NCOR2: variants seen among roughly 807,000 people sequenced by gnomAD.
NCOR2 encodes the protein nuclear receptor corepressor 2, also known as CTG repeat protein 26.
In NCOR2, 81 loss-of-function variants were observed where a neutral mutation model predicts 262.9. That is an observed-to-expected ratio of 0.31 (90% CI 0.26 to 0.37). The LOEUF (loss-of-function observed/expected upper bound fraction) is 0.37, where lower values mean the gene tolerates loss of function less well. Ranked by LOEUF, NCOR2 falls within the 10% of genes least tolerant of loss-of-function variation. The probability of loss-of-function intolerance (pLI) is 1.00; values close to 1 mark genes in which losing one functional copy is unlikely to be tolerated. For missense variants in NCOR2, 3,385 were observed against 3,621.4 expected, an observed-to-expected ratio of 0.93 and a Z score of 1.68; for synonymous variants, 1,659 against 1,559.3, an observed-to-expected ratio of 1.06 and a Z score of -1.51.
intron 16 of NCOR2, 61 bp downstream of exon 18, chr12:124,398,058 G>C: frequency 1.3e-6 from 2 of 1,594,484 alleles, no homozygotes; most frequent in Non-Finnish European, 8.6e-7. Flanking sequence ...TCCCCAGCAC[G>C]TGAGCTTCAG....
chr12:124,448,588 G>A (rs1215034090), intron 7 of NCOR2, among the ~76,000 whole-genome samples: 5 of 152,194 alleles, frequency 3.3e-5, no homozygotes, highest in Non-Finnish European at 7.3e-5. Context: ...TCCTGAACCC[G>A]AGAAGGCCAA....
intron 33 of NCOR2, among the ~76,000 whole-genome samples, chr12:124,342,770 G>A (rs73419849): frequency 0.14 from 21,390 of 152,164 alleles, 2,328 homozygotes; most frequent in East Asian, 0.38. Flanking sequence ...AAGTCCTGCC[G>A]GAAAAGAAAA....
At chr12:124,406,193 C>T (rs1026174956) in intron 13 of NCOR2, among the ~76,000 whole-genome samples, 1 of 152,204 alleles carries the variant, frequency 6.6e-6, no homozygotes, top group Admixed American at 6.5e-5. Context: ...GTGAAAGCGG[C>T]CCTTATATCA....
chr12:124,503,629 T>C lies in NCOR2; in HGVS notation c.-117-8261A>G, dbSNP rs1460996043. Among the ~76,000 whole-genome samples, 8 of 143,500 alleles carry C rather than the reference T, an allele frequency of 5.6e-5. No homozygotes were observed. Among genetic ancestry groups the C allele is most frequent in the African/African-American group, 1.9e-4 (7 of 37,426 alleles). The allele number at this position is 143,500 out of a possible 152,430, so 94.1% of individuals were successfully genotyped here. A position where few individuals can be genotyped will look rare whatever the true frequency, so the allele number is the denominator to read the frequency against. On this transcript the variant is annotated intron_variant, in intron 1 of 46. Coordinates refer to the NCOR2 transcript ENST00000404621. This position sits in a 1 kb window ranked among gnomAD's most constrained non-coding sequence, Gnocchi z 4.3. ...ACGGACGGACGGATGGATGGATGGA[T>C]GGATGGGCGAATGGATGGATGGATG... is the stretch of plus-strand genomic sequence containing the variant.
At chr12:124,456,470 G>A (rs1273611908) in intron 6 of NCOR2, among the ~76,000 whole-genome samples, 6 of 152,188 alleles carry the variant, frequency 3.9e-5, no homozygotes, top group Non-Finnish European at 8.8e-5. Flanking sequence ...TCTTTCCGCA[G>A]CAAAAGGACA....
intron 13 of NCOR2, among the ~76,000 whole-genome samples, chr12:124,405,869 C>G (rs1004737404): frequency 6.6e-6 from 1 of 152,112 alleles, no homozygotes; most frequent in Non-Finnish European, 1.5e-5. Flanking sequence ...GTCCATAGAG[C>G]GGCAGAACTG....
At chr12:124,425,804 A>G (rs1271615054) in intron 11 of NCOR2, among the ~76,000 whole-genome samples, 1 of 151,756 alleles carries the variant, frequency 6.6e-6, no homozygotes, top group Admixed American at 6.6e-5. Context: ...CCCTGCCTCC[A>G]TTGTGTGCAT....
chr12:124,453,351 G>A (rs1013209444), intron 6 of NCOR2, among the ~76,000 whole-genome samples: 7 of 152,202 alleles, frequency 4.6e-5, no homozygotes, highest in East Asian at 1.9e-4. Context: ...TGAGGGAATC[G>A]AGGCCTAGAT....
intron 5 of NCOR2, among the ~76,000 whole-genome samples, chr12:124,464,991 C>T (rs943883112): frequency 6.6e-6 from 1 of 152,184 alleles, no homozygotes; most frequent in Non-Finnish European, 1.5e-5. Context: ...TGCATGACAT[C>T]GCTGTTTCTA....
intron 8 of NCOR2, among the ~76,000 whole-genome samples, chr12:124,433,663 G>T (rs1280675321): frequency 1.3e-5 from 2 of 152,172 alleles, no homozygotes; most frequent in African/African-American, 4.8e-5. Context: ...GCTGTAGCCT[G>T]TGCCTATGTC....
At chr12:124,458,308 G>A (rs968565412) in intron 5 of NCOR2, among the ~76,000 whole-genome samples, 1 of 152,212 alleles carries the variant, frequency 6.6e-6, no homozygotes, top group Admixed American at 6.5e-5. Context: ...AGGCTCCCGG[G>A]CTGCAGCAGA....
At chr12:124,376,961 G>C (rs2040052526) in intron 18 of NCOR2, among the ~76,000 whole-genome samples, 1 of 152,218 alleles carries the variant, frequency 6.6e-6, no homozygotes, top group South Asian at 2.1e-4. Context: ...AGGTCCTCCA[G>C]GGGCCTTCGG....
intron 16 of NCOR2, chr12:124,388,571 G>A (rs2040993527): frequency 7.1e-6 from 8 of 1,121,852 alleles, no homozygotes; most frequent in South Asian, 1.4e-5. Flanking sequence ...TCCACTCCAG[G>A]GGCCCAGAAC....
rs1173101194 is a variant in NCOR2 at position 124,517,780 on chromosome 12, C to T, written c.-118+17785G>A. ...GGCCGGCCAAGAAGCCTCACCCCGG[C>T]CTGCCCGGCCAGCGCCTCCGAGCGC... On this transcript the variant is annotated intron_variant, in intron 1 of 46. Coordinates refer to the NCOR2 transcript ENST00000404621. This position sits in a 1 kb window ranked among gnomAD's most constrained non-coding sequence, Gnocchi z 7.6. 6.6e-6 allele frequency among the ~76,000 whole-genome samples: 1 copy of T among 152,234 alleles called. No individual in the cohort carries two copies. Among genetic ancestry groups the T allele is most frequent in the Non-Finnish European group, 1.5e-5 (1 of 68,042 alleles).
chr12:124,327,734 G>A lies in NCOR2; in HGVS notation c.6959-101C>T, dbSNP rs552142360. 1.9e-4 allele frequency: 139 copies of A among 735,992 alleles called. No individual in the cohort carries two copies. The African/African-American group carries it at 2.1e-3, about 11-fold the overall frequency. The allele number at this position is 735,992 out of a possible 1,614,324, so 45.6% of individuals were successfully genotyped here. A position where few individuals can be genotyped will look rare whatever the true frequency, so the allele number is the denominator to read the frequency against. On this transcript the variant is annotated intron_variant, in intron 44 of 46. Coordinates refer to ENST00000405201, the Ensembl canonical transcript of NCOR2. ...AGAAGGGAGAGAGAGAGGGAAGGAG[G>A]AGGAGGAGGAGGAGGAGAGAGAAAT... is the stretch of plus-strand genomic sequence containing the variant.
chr12:124,529,567 C>T lies in NCOR2; in HGVS notation c.-118+5998G>A, dbSNP rs79423043. 3.1e-3 allele frequency among the ~76,000 whole-genome samples: 470 copies of T among 152,360 alleles called. 2 individuals carry two copies. The highest frequency in any genetic ancestry group is 0.011 in the African/African-American group (448 of 41,592). Reference sequence around the variant, plus strand: ...GTGCAATCCGGCACTGCACTGTGGTCTCAACCACTGCAGCCGGACGAGAAG... The same window carrying T: ...GTGCAATCCGGCACTGCACTGTGGTTTCAACCACTGCAGCCGGACGAGAAG... On this transcript the variant is annotated intron_variant, in intron 1 of 46. Coordinates refer to the NCOR2 transcript ENST00000404621.
At chr12:124,468,977 ATCACCC>A (rs2046690533) in intron 4 of NCOR2, among the ~76,000 whole-genome samples, 1 of 65,836 alleles carries the variant, frequency 1.5e-5, no homozygotes, top group Non-Finnish European at 2.8e-5. Flanking sequence ...CATCACCCCC[ATCACCC>A]TCATCCTCAT....
Position 124,327,432 on chromosome 12 carries a change from C to G in NCOR2, c.7160G>C (p.Ser2387Thr), listed in dbSNP as rs758931886. 4 of 1,611,602 alleles carry G rather than the reference C, an allele frequency of 2.5e-6. No individual in the cohort carries two copies. In the Admixed American group the frequency reaches 5.0e-5, roughly 20 times the overall value. ...ACCTGGCGAGGTGAGTGTGTGGTCA[C>G]TCCGTCCGTCAGCAGCGGTTATGGG... Residue 2387 changes from serine (S) to threonine (T), a missense_variant, in exon 45 of 47, where the codon AGT becomes ACT. Ser to Thr is a moderately conservative substitution (Grantham distance 58). Transcript: ENST00000405201.
chr12:124,444,739 T>C (rs1024301336), intron 7 of NCOR2, among the ~76,000 whole-genome samples: 3 of 151,692 alleles, frequency 2.0e-5, no homozygotes, highest in African/African-American at 4.9e-5. Flanking sequence ...AGACTGCGGG[T>C]TGGGGTGATG....
Sources: gnomAD v4.1 joint callset for allele counts (sites outside exome capture counted in the v4.1 genomes callset) on GRCh38, gnomAD v4.1.1 for gene constraint, Gnocchi (gnomAD v3.1) non-coding constraint, MANE v1.5 for transcripts, NCBI Gene and HGNC (gene_info 2026-07-23, HGNC 2026-07-21) for gene names.